The following SLC16A2 variants were observed in gnomAD, a reference collection of about 807,000 sequenced individuals.
SLC16A2 encodes the protein monocarboxylate transporter 8.
In SLC16A2, 3 loss-of-function variants were observed where a neutral mutation model predicts 27.2. The ratio of observed to expected loss-of-function variants is 0.11; its 90% CI spans 0.05 to 0.28. The LOEUF is 0.28. SLC16A2 is among the 10% of genes least tolerant of loss of function. SLC16A2 has a pLI of 1.00. For missense variants in SLC16A2, 295 were observed against 458.5 expected (o/e 0.64, Z 3.26); for synonymous variants, 202 against 187.8 (o/e 1.08, Z -0.62).
intron 1 of SLC16A2, among the ~76,000 whole-genome samples, chrX:74,447,727 C>T (rs914125769): frequency 4.6e-5 from 5 of 108,249 alleles, no homozygotes; most frequent in African/African-American, 1.7e-4. Context: ...GCCTGCAATC[C>T]CAGCACTCTG....
intron 1 of SLC16A2, among the ~76,000 whole-genome samples, chrX:74,518,599 A>AAAAAAG (rs1188823030): frequency 9.0e-6 from 1 of 111,149 alleles, no homozygotes; most frequent in Non-Finnish European, 1.9e-5. Context: ...CAAGAAAAAA[A>AAAAAAG]AAAAAGAAAA....
chrX:74,492,650 A>G (rs1929851747), intron 1 of SLC16A2, among the ~76,000 whole-genome samples: 1 of 110,821 alleles, frequency 9.0e-6, no homozygotes, highest in Non-Finnish European at 1.9e-5. Flanking sequence ...ATTAGCATTC[A>G]TTACTCATTC....
intron 1 of SLC16A2, among the ~76,000 whole-genome samples, chrX:74,480,617 C>A (rs937325898): frequency 2.1e-4 from 24 of 112,521 alleles, no homozygotes; most frequent in African/African-American, 6.5e-4. Flanking sequence ...ATTCATCCAT[C>A]TTGGCTCCAC....
chrX:74,431,524 A>C (rs1448949246), intron 1 of SLC16A2, among the ~76,000 whole-genome samples: 1 of 111,546 alleles, frequency 9.0e-6, no homozygotes, highest in Non-Finnish European at 1.9e-5. Context: ...CAGGTACCAT[A>C]CTCACTAGCT....
At chrX:74,459,245 T>TATATATACA (rs1569288361) in intron 1 of SLC16A2, among the ~76,000 whole-genome samples, 1 of 99,066 alleles carries the variant, frequency 1.0e-5, no homozygotes, top group Admixed American at 1.2e-4. Flanking sequence ...TATATATATA[T>TATATATACA]CTCACAAGTG....
At chrX:74,448,480 T>C (rs1928879974) in intron 1 of SLC16A2, among the ~76,000 whole-genome samples, 1 of 110,255 alleles carries the variant, frequency 9.1e-6, no homozygotes, top group South Asian at 4.0e-4. Flanking sequence ...GATCAATTAC[T>C]TGTCCTTCCA....
At chrX:74,508,756 T>G (rs1221692832) in intron 1 of SLC16A2, among the ~76,000 whole-genome samples, 1 of 111,718 alleles carries the variant, frequency 9.0e-6, no homozygotes, top group East Asian at 2.8e-4. Flanking sequence ...ATATGTTACA[T>G]AGGTAAACAT....
rs761374957 is a variant in SLC16A2, at chrX:74,467,097, C to T, written c.430+45030C>T. Among the ~76,000 whole-genome samples the T allele has an allele frequency of 3.6e-5, 4 of 112,128 alleles. No individual in the cohort carries two copies. The South Asian group carries it at 1.5e-3, about 42-fold the overall frequency. ...AGAGAGGTATAAAGCCCTTTAAGGG[C>T]CCGCCCCTCCCCTCCATCTTCCTGC... On this transcript the variant is annotated intron_variant, in intron 1 of 5. Transcript: ENST00000587091.
intron 1 of SLC16A2, among the ~76,000 whole-genome samples, chrX:74,491,347 A>G (rs553139091): frequency 2.4e-4 from 27 of 111,894 alleles, no homozygotes; most frequent in African/African-American, 8.1e-4. Context: ...CCATAGGTAA[A>G]TTTTTAAATT....
At chrX:74,515,383 T>C (rs2147867661) in intron 1 of SLC16A2, among the ~76,000 whole-genome samples, 1 of 106,028 alleles carries the variant, frequency 9.4e-6, no homozygotes, top group African/African-American at 3.5e-5. Context: ...TTGAAAAAAA[T>C]GGAAAGAGCC....
chrX:74,492,582 G>A (rs183368706), intron 1 of SLC16A2, among the ~76,000 whole-genome samples: 1 of 110,814 alleles, frequency 9.0e-6, no homozygotes, highest in Non-Finnish European at 1.9e-5. Context: ...GACATAATAA[G>A]AGTTCAGAAA....
Position 74,435,012 on chromosome X carries a change from A to G in SLC16A2, c.430+12945A>G, listed in dbSNP as rs758014967. Among the ~76,000 whole-genome samples the G allele has an allele frequency of 3.9e-4, 37 of 94,407 alleles. 1 individual carries two copies. The highest frequency in any genetic ancestry group is 1.5e-3 in the African/African-American group (36 of 23,887). 82.0% of individuals were successfully genotyped at this position (94,407 alleles called of 115,157 possible). ...CTAATTTTTGTATTTTTTTTTTTTT[A>G]GTAGAGACGGGGTTTCACCATGTTG... On this transcript the variant is annotated intron_variant, in intron 1 of 5. Transcript: ENST00000587091.
chrX:74,467,165 G>C (rs1929266381), intron 1 of SLC16A2, among the ~76,000 whole-genome samples: 1 of 111,879 alleles, frequency 8.9e-6, no homozygotes, highest in African/African-American at 3.3e-5. Context: ...TACAGGCTCA[G>C]CTCCATCTAG....
At chrX:74,528,766 T>C (rs1476563706) in intron 4 of SLC16A2, among the ~76,000 whole-genome samples, 1 of 112,306 alleles carries the variant, frequency 8.9e-6, no homozygotes, top group Non-Finnish European at 1.9e-5. Flanking sequence ...CAACCCCATC[T>C]GATCATCATG....
chrX:74,524,240 G>A, intron 2 of SLC16A2, 119 bp from the exon 3 acceptor site: 1 of 718,722 alleles, frequency 1.4e-6, no homozygotes, highest in Non-Finnish European at 2.2e-6. Flanking sequence ...CTGAGGGTCA[G>A]TGGCAAGTGG....
chrX:74,481,023 G>C (rs182809613), intron 1 of SLC16A2, among the ~76,000 whole-genome samples: 1 of 112,434 alleles, frequency 8.9e-6, no homozygotes, highest in Non-Finnish European at 1.9e-5. Flanking sequence ...TTGAGATAGC[G>C]TATTACATTG....
chrX:74,473,388 C>T, intron 1 of SLC16A2: 2 of 540,100 alleles, frequency 3.7e-6, no homozygotes, highest in Admixed American at 2.3e-5. Flanking sequence ...GAGGCAATGG[C>T]CAACTCTTGC....
At chrX:74,499,192 TC>T (rs1365515526) in intron 1 of SLC16A2, among the ~76,000 whole-genome samples, 3 of 111,594 alleles carry the variant, frequency 2.7e-5, no homozygotes, top group African/African-American at 9.8e-5. Flanking sequence ...TTAAAGAGAA[TC>T]CCCTCATTCT....
rs948764364 is a variant in SLC16A2, at chrX:74,451,691, G to T, written c.430+29624G>T. ...ACCCAATAGCTCAAAAATAGATCAA[G>T]AAGGAAGTGTGTACATGAGGGAAAA... On this transcript the variant is annotated intron_variant, in intron 1 of 5. Coordinates refer to ENST00000587091, the MANE Select transcript of SLC16A2 (RefSeq NM_006517.5). 2.7e-5 allele frequency among the ~76,000 whole-genome samples: 3 copies of T among 113,004 alleles called. No individual in the cohort carries two copies. The Admixed American group carries it at 2.8e-4, about 11-fold the overall frequency.
Sources: gnomAD v4.1 joint callset for allele counts (sites outside exome capture counted in the v4.1 genomes callset) on GRCh38, gnomAD v4.1.1 for gene constraint, MANE v1.5 for transcripts, NCBI Gene and HGNC (gene_info 2026-07-23, HGNC 2026-07-21) for gene names.